Variants in YWHAQ observed in about 807,000 individuals in gnomAD.
The protein encoded by YWHAQ is 14-3-3 protein theta.
A neutral mutation model predicts 28.3 loss-of-function variants in YWHAQ; 6 were observed. The ratio of observed to expected loss-of-function variants is 0.21; its 90% CI spans 0.12 to 0.42. The LOEUF (loss-of-function observed/expected upper bound fraction) is 0.42. Among genes scored for constraint, YWHAQ ranks in the 10% least tolerant of loss-of-function variants. YWHAQ has a pLI of 1.00. For missense variants in YWHAQ, 201 were observed against 305.6 expected, an observed-to-expected ratio of 0.66 and a Z score of 2.55; for synonymous variants, 143 against 119.1, an observed-to-expected ratio of 1.20 and a Z score of -1.31.
At chr2:9,620,241 A>G (rs971085496) in intron 2 of YWHAQ, among the ~76,000 whole-genome samples, 1 of 152,218 alleles carries the variant, frequency 6.6e-6, no homozygotes, top group Non-Finnish European at 1.5e-5. Context: ...CAGGAGACAG[A>G]ATGTTCAAAT....
chr2:9,628,521 T>C (rs370385265), intron 2 of YWHAQ, among the ~76,000 whole-genome samples: 1 of 152,268 alleles, frequency 6.6e-6, no homozygotes, highest in East Asian at 1.9e-4. Context: ...GATTCTGAAT[T>C]GCTTCAAGGT....
At chr2:9,598,367 A>T (rs559460707) in intron 2 of YWHAQ, among the ~76,000 whole-genome samples, 1 of 152,346 alleles carries the variant, frequency 6.6e-6, no homozygotes, top group South Asian at 2.1e-4. Flanking sequence ...CTGGCTGCCC[A>T]GGACCATTCC....
intron 2 of YWHAQ, among the ~76,000 whole-genome samples, chr2:9,627,353 C>T (rs1295246330): frequency 6.6e-6 from 1 of 152,220 alleles, no homozygotes; most frequent in Non-Finnish European, 1.5e-5. Flanking sequence ...ATCTTTCTTC[C>T]TGTTCACCAA....
chr2:9,610,167 A>C (rs1468974497), intron 2 of YWHAQ, among the ~76,000 whole-genome samples: 1 of 152,236 alleles, frequency 6.6e-6, no homozygotes, highest in Non-Finnish European at 1.5e-5. Context: ...TCACTAGAAT[A>C]ATCAAGGATC....
At chr2:9,622,166 C>T (rs1332397528) in intron 2 of YWHAQ, among the ~76,000 whole-genome samples, 3 of 151,366 alleles carry the variant, frequency 2.0e-5, no homozygotes, top group Non-Finnish European at 4.4e-5. Flanking sequence ...CACTTGTATC[C>T]CAGAACTTAA....
chr2:9,624,106 A>C (rs1667198929), intron 2 of YWHAQ, among the ~76,000 whole-genome samples: 2 of 152,126 alleles, frequency 1.3e-5, no homozygotes, highest in African/African-American at 2.4e-5. Context: ...AAATACAAAA[A>C]TTAGCCAGGC....
intron 2 of YWHAQ, among the ~76,000 whole-genome samples, chr2:9,604,625 A>C (rs1572995490): frequency 6.6e-6 from 1 of 152,158 alleles, no homozygotes; most frequent in Non-Finnish European, 1.5e-5. Context: ...ATGGATCACA[A>C]ACACAGTATT....
chr2:9,596,043 T>C (rs1049711621), intron 2 of YWHAQ, among the ~76,000 whole-genome samples: 1 of 152,200 alleles, frequency 6.6e-6, no homozygotes, highest in African/African-American at 2.4e-5. Flanking sequence ...TAAGTTATTA[T>C]AGAGGTTGCT....
intron 2 of YWHAQ, among the ~76,000 whole-genome samples, chr2:9,627,785 A>T (rs1667276774): frequency 6.6e-6 from 1 of 152,200 alleles, no homozygotes. Context: ...CTCCTGCAGC[A>T]ACTCTGCACA....
intron 2 of YWHAQ, among the ~76,000 whole-genome samples, chr2:9,618,666 C>T (rs968742753): frequency 1.0e-4 from 15 of 149,768 alleles, no homozygotes; most frequent in African/African-American, 2.0e-4. Flanking sequence ...TCCCCAGCCA[C>T]TGTTTTGATT....
In YWHAQ at chr2:9,584,856, G is replaced by C. The variant is rs1251131997; in HGVS notation, c.*430C>G. 1 of 164,490 alleles carries C rather than the reference G, an allele frequency of 6.1e-6. No homozygotes were observed. The highest frequency in any genetic ancestry group is 1.3e-5 in the Non-Finnish European group (1 of 75,150). 10.2% of individuals were successfully genotyped at this position (164,490 alleles called of 1,614,324 possible). A position where few individuals can be genotyped will look rare whatever the true frequency, so the allele number is the denominator to read the frequency against. On this transcript the variant is annotated 3_prime_UTR_variant, in exon 6 of 6. Transcript: ENST00000238081. ...AGCATGGAAAAGTTGCTTACTGAAA[G>C]GAAACCCCCGAAGAGTAAGGGAGGG...
chr2:9,590,114 T>TA (rs1219286068), intron 3 of YWHAQ, among the ~76,000 whole-genome samples: 4 of 152,200 alleles, frequency 2.6e-5, no homozygotes, highest in African/African-American at 9.7e-5. Flanking sequence ...AATCGCAGCC[T>TA]ATCAGAATGT....
rs1190932826 is a variant in YWHAQ at position 9,630,691 on chromosome 2, G to A, written c.-82-157C>T. On this transcript the variant is annotated intron_variant, in intron 1 of 5. Transcript: ENST00000238081. This position sits in a 1 kb window ranked among gnomAD's most constrained non-coding sequence, Gnocchi z 5.6. ...CCCGCTGGGCACCCGGGGAGGCCGC[G>A]GCCCGCGGCTGGAGGAGGCGGGGGC... 7.2e-6 allele frequency: 2 copies of A among 277,660 alleles called. No homozygotes were observed. The highest frequency in any genetic ancestry group is 1.1e-4 in the Admixed American group (2 of 18,394). 17.2% of individuals were successfully genotyped at this position (277,660 alleles called of 1,614,324 possible).
chr2:9,614,676 C>G (rs60231996), intron 2 of YWHAQ, among the ~76,000 whole-genome samples: 1,731 of 152,288 alleles, frequency 0.011, 34 homozygotes, highest in African/African-American at 0.04. Flanking sequence ...TTTATACTAG[C>G]AAGGACACAA....
chr2:9,604,515 T>G (rs1162793877), intron 2 of YWHAQ, among the ~76,000 whole-genome samples: 3 of 152,202 alleles, frequency 2.0e-5, no homozygotes, highest in African/African-American at 7.2e-5. Flanking sequence ...CAAAACACAT[T>G]TGACCCTTGA....
chr2:9,597,985 A>ATTTTTTTTCT (rs1666610840), intron 2 of YWHAQ, among the ~76,000 whole-genome samples: 1 of 62,476 alleles, frequency 1.6e-5, no homozygotes, highest in African/African-American at 6.0e-5. Context: ...ATGCCGGGCT[A>ATTTTTTTTCT]TTTTTTTTTT....
intron 2 of YWHAQ, among the ~76,000 whole-genome samples, chr2:9,598,130 C>A (rs912573357): frequency 2.6e-5 from 4 of 151,838 alleles, no homozygotes; most frequent in South Asian, 2.1e-4. Context: ...CCGCACCCAG[C>A]CAGAAGCAAA....
At chr2:9,590,912 T>C (rs968861020) in intron 3 of YWHAQ, among the ~76,000 whole-genome samples, 2 of 152,308 alleles carry the variant, frequency 1.3e-5, no homozygotes, top group Middle Eastern at 3.4e-3. Context: ...TGATTATATG[T>C]AATTAGCAGT....
chr2:9,617,214 G>A lies in YWHAQ; in HGVS notation c.294+12945C>T, dbSNP rs957475942. 9.2e-5 allele frequency among the ~76,000 whole-genome samples: 14 copies of A among 151,414 alleles called. No individual in the cohort carries two copies. The East Asian group carries it at 1.6e-3, about 17-fold the overall frequency. On this transcript the variant is annotated intron_variant, in intron 2 of 5. Coordinates refer to ENST00000238081, the MANE Select transcript of YWHAQ (RefSeq NM_006826.4). ...CCTGACCTCGTGATCCGCCCGCCTC[G>A]GCCTCCCAAAGTGCTGTGATTACAG...
Sources: allele counts gnomAD v4.1 joint callset (sites outside exome capture counted in the v4.1 genomes callset), GRCh38; gene constraint gnomAD v4.1.1; non-coding constraint Gnocchi (gnomAD v3.1); transcripts MANE v1.5; gene names NCBI Gene and HGNC (gene_info 2026-07-23, HGNC 2026-07-21).